Variants in PLCB2 observed in about 807,000 individuals in gnomAD.
PLCB2 encodes 1-phosphatidylinositol 4,5-bisphosphate phosphodiesterase beta-2.
PLCB2 carries 115 observed loss-of-function variants against 141.7 expected under a neutral mutation model. That is an observed-to-expected ratio of 0.81 (90% CI 0.70 to 0.95). The LOEUF is 0.95. PLCB2 is among the 40% of genes least tolerant of loss of function. The pLI, the probability that PLCB2 is intolerant of heterozygous loss-of-function variation, is 0.00. For synonymous variants in PLCB2, 603 were observed against 595.6 expected, an observed-to-expected ratio of 1.01 and a Z score of -0.18; for missense variants, 1,403 against 1,541.1, an observed-to-expected ratio of 0.91 and a Z score of 1.50.
chr15:40,295,148 C>G, intron 17 of PLCB2, 53 bp downstream of exon 17: 12 of 1,610,692 alleles, frequency 7.5e-6, no homozygotes, highest in Non-Finnish European at 1.0e-5. Context: ...CCAGGCCCTC[C>G]TCTGGCTCCC....
In PLCB2 at chr15:40,288,625, G is replaced by A; in HGVS notation, c.*90C>T. On this transcript the variant is annotated 3_prime_UTR_variant, in exon 32 of 32. Transcript: ENST00000260402. The stretch of plus-strand genomic sequence containing the variant: ...GCCACAGGTTCCCACAGCCTCAGAA[G>A]GCTGGGGCTCCTTTTTCCTGGGGGA... 1 of 1,434,900 alleles carries A rather than the reference G, an allele frequency of 7.0e-7. No individual in the cohort carries two copies. The highest frequency in any genetic ancestry group is 9.1e-7 in the Non-Finnish European group (1 of 1,094,058). 88.9% of individuals were successfully genotyped at this position (1,434,900 alleles called of 1,614,324 possible).
At chr15:40,296,989 T>G in intron 13 of PLCB2, 81 bp from the exon 14 acceptor site, 2 of 1,430,132 alleles carry the variant, frequency 1.4e-6, no homozygotes, top group Non-Finnish European at 1.9e-6. Flanking sequence ...GCATGCTCCC[T>G]CGGCCTCCCC....
rs1461324898 is a variant in PLCB2 at position 40,293,623 on chromosome 15, C to T, written c.2163G>A (p.Lys721=). 1.2e-6 allele frequency: 2 copies of T among 1,614,140 alleles called. No homozygotes were observed. The highest frequency in any genetic ancestry group is 1.7e-6 in the Non-Finnish European group (2 of 1,179,992). ...TGATGGAGTTAGTACTGGGTGACAG[C>T]TTAGTTCGATAGCGCCTCTTGGGGT... ...PGDPKRRYRT[K]LSPSTNSINP... The change falls in exon 20 of 32, where the codon AAG becomes AAA. Residue 721 remains lysine, a synonymous_variant. Coordinates refer to ENST00000260402, the MANE Select transcript of PLCB2 (RefSeq NM_004573.3).
Position 40,288,457 on chromosome 15 carries a change from C to G in PLCB2, c.*258G>C. On this transcript the variant is annotated 3_prime_UTR_variant, in exon 32 of 32. Transcript: ENST00000260402. ...TCTTTTGCCCTCAACAAATATATGACACTTATCTAGAGATGGAGGGGGAGG... is the reference window on the plus strand; with the variant it reads ...TCTTTTGCCCTCAACAAATATATGAGACTTATCTAGAGATGGAGGGGGAGG... 3.2e-6 allele frequency: 4 copies of G among 1,243,886 alleles called. No homozygotes were observed. The highest frequency in any genetic ancestry group is 4.0e-6 in the Non-Finnish European group (4 of 991,980). 77.1% of individuals were successfully genotyped at this position (1,243,886 alleles called of 1,614,324 possible).
downstream of PLCB2, chr15:40,285,798 AC>A: frequency 2.0e-6 from 2 of 984,966 alleles, no homozygotes; most frequent in Non-Finnish European, 2.4e-6. Flanking sequence ...CATGACTCAC[AC>A]CCCCCCAGGT....
chr15:40,291,275 G>A lies in PLCB2; in HGVS notation c.2860C>T (p.Arg954Cys), dbSNP rs761191006. 7.7e-5 allele frequency: 121 copies of A among 1,567,950 alleles called. No homozygotes were observed. In the East Asian group the frequency reaches 2.7e-3, roughly 35 times the overall value. Residue 954 changes from arginine to cysteine, a missense_variant, in exon 26 of 32, where the codon CGC becomes TGC. Arg to Cys is a radical substitution (Grantham distance 180). Transcript: ENST00000260402. ...CGCCACGAGCCTTACCTCTTCTTGC[G>A]AGAGCCCTTGCCGGGACCGAGCTTG... ...ACKLGPGKGSRKKRSLPREES... is the reference protein window; with the variant it reads ...ACKLGPGKGSCKKRSLPREES...
chr15:40,300,945 GAC>G (rs1339918396), intron 7 of PLCB2: 1 of 152,846 alleles, frequency 6.5e-6, no homozygotes, highest in African/African-American at 2.4e-5. Context: ...CCTCTACTGA[GAC>G]ACAAGGAAAG....
At chr15:40,303,451 A>G (rs1438976008) in intron 2 of PLCB2, 95 bp from the exon 3 acceptor site, 2 of 870,564 alleles carry the variant, frequency 2.3e-6, no homozygotes, top group African/African-American at 3.3e-5. Flanking sequence ...GGGAGCTTCC[A>G]CACCCTTCAA....
chr15:40,284,836 C>CGAAAAAAAAAA (rs2039587543), downstream of PLCB2, among the ~76,000 whole-genome samples: 1 of 74,890 alleles, frequency 1.3e-5, no homozygotes, highest in African/African-American at 6.9e-5. Flanking sequence ...GAGACTCCGT[C>CGAAAAAAAAAA]AAAAAAAAAA....
At position 40,288,451 on chromosome 15, in the gene PLCB2, A is replaced by G. The variant is rs1436451832; in HGVS notation, c.*264T>C. 2 of 1,233,716 alleles carry G rather than the reference A, an allele frequency of 1.6e-6. No homozygotes were observed. Among genetic ancestry groups the G allele is most frequent in the Non-Finnish European group, 2.0e-6 (2 of 985,868 alleles). The allele number at this position is 1,233,716 out of a possible 1,614,324, so 76.4% of individuals were successfully genotyped here. ...CCATAGTCTTTTGCCCTCAACAAATATATGACACTTATCTAGAGATGGAGG... is the reference window on the plus strand; with the variant it reads ...CCATAGTCTTTTGCCCTCAACAAATGTATGACACTTATCTAGAGATGGAGG... On this transcript the variant is annotated 3_prime_UTR_variant, in exon 32 of 32. Transcript: ENST00000260402.
rs2040350595 is a variant in PLCB2, at chr15:40,298,545, A to G, written c.997+17T>C. 6.2e-7 allele frequency: 1 copy of G among 1,614,054 alleles called. No individual in the cohort carries two copies. The highest frequency in any genetic ancestry group is 1.3e-5 in the African/African-American group (1 of 74,924). On this transcript the variant is annotated intron_variant, in intron 10 of 31. Coordinates refer to ENST00000260402, the MANE Select transcript of PLCB2 (RefSeq NM_004573.3). Reference sequence around the variant, plus strand: ...CCTGTGAAAGCAGAGGTTGGCACCAATGTTATCAGGGCCCACCTGTCAGGT... The same window carrying G: ...CCTGTGAAAGCAGAGGTTGGCACCAGTGTTATCAGGGCCCACCTGTCAGGT...
intron 7 of PLCB2, 147 bp from the exon 8 acceptor site, chr15:40,299,375 T>C (rs568868856): frequency 6.6e-6 from 4 of 602,392 alleles, no homozygotes; most frequent in Non-Finnish European, 1.2e-5. Context: ...AGCATCCACT[T>C]CTCAAGGCCC....
intron 7 of PLCB2, chr15:40,301,749 G>A: frequency 1.4e-6 from 1 of 700,712 alleles, no homozygotes; most frequent in Middle Eastern, 2.4e-4. Context: ...AGACAAACCT[G>A]CTTGGAGCTC....
Position 40,288,901 on chromosome 15 carries a change from C to T in PLCB2, c.3372G>A (p.Leu1124=). ...CCTTCATCCTGGCCTCGTACTCTGC[C>T]AGCGCCTCCTTCTGGAACTGTGGAG... is the stretch of plus-strand genomic sequence containing the variant. ...EMEKQFQKEA[L]AEYEARMKGL... Residue 1124 remains leucine, a synonymous_variant, in exon 32 of 32, where the codon CTG becomes CTA. Transcript: ENST00000260402. 2.5e-6 allele frequency: 4 copies of T among 1,613,432 alleles called. No homozygotes were observed. The highest frequency in any genetic ancestry group is 3.4e-6 in the Non-Finnish European group (4 of 1,179,960).
chr15:40,291,196 C>G lies in PLCB2; in HGVS notation c.2871-13G>C, dbSNP rs1397012501. 1 of 1,570,576 alleles carries G rather than the reference C, an allele frequency of 6.4e-7. No individual in the cohort carries two copies. The highest frequency in any genetic ancestry group is 1.2e-5 in the South Asian group (1 of 86,864). ...GCGGGGCAGGCTCCTGGGGAGGCCA[C>G]GTGGGGACAGGCCCTGAGATCCTGC... On this transcript the variant is annotated splice_polypyrimidine_tract_variant and intron_variant, in intron 26 of 31. Transcript: ENST00000260402.
intron 18 of PLCB2, 71 bp downstream of exon 18, chr15:40,294,865 C>T: frequency 6.3e-7 from 1 of 1,595,912 alleles, no homozygotes; most frequent in South Asian, 1.1e-5. Flanking sequence ...TTCCAAAGAC[C>T]CCTCAAGGAT....
intron 1 of PLCB2, among the ~76,000 whole-genome samples, chr15:40,306,064 A>G (rs560353116): frequency 6.6e-6 from 1 of 152,326 alleles, no homozygotes; most frequent in East Asian, 1.9e-4. Context: ...GTGGCCTTGC[A>G]GAGTTTCTTT....
chr15:40,297,918 G>A lies in PLCB2; in HGVS notation c.1197C>T (p.Ser399=). The change falls in exon 12 of 32, where the codon TCC becomes TCT. Residue 399 remains serine, a synonymous_variant. Coordinates refer to ENST00000260402, the MANE Select transcript of PLCB2 (RefSeq NM_004573.3). This position sits in a 1 kb window ranked among gnomAD's most constrained non-coding sequence, Gnocchi z 4.2. ...EAIAESAFKT[S]PYPIILSFEN... Reference sequence around the variant, plus strand: ...CAAACGACAGGATGATGGGATAGGGGGAGGTCTTAAAGGCGCTTTCTGCAA... The same window carrying A: ...CAAACGACAGGATGATGGGATAGGGAGAGGTCTTAAAGGCGCTTTCTGCAA... The A allele has an allele frequency of 6.2e-7, 1 of 1,613,814 alleles. No homozygotes were observed. The highest frequency in any genetic ancestry group is 8.5e-7 in the Non-Finnish European group (1 of 1,179,708).
downstream of PLCB2, chr15:40,284,339 G>C (rs2039579140): frequency 3.0e-6 from 1 of 334,130 alleles, no homozygotes; most frequent in Non-Finnish European, 5.9e-6. Flanking sequence ...CAGAATCTCG[G>C]TTCTGGGTGC....
Sources: gnomAD v4.1 joint callset for allele counts (sites outside exome capture counted in the v4.1 genomes callset) on GRCh38, gnomAD v4.1.1 for gene constraint, Gnocchi (gnomAD v3.1) non-coding constraint, MANE v1.5 for transcripts, NCBI Gene and HGNC (gene_info 2026-07-23, HGNC 2026-07-21) for gene names.